Variants in TBCK observed in about 807,000 individuals in gnomAD.
TBCK encodes TBC1 domain containing kinase.
TBCK carries 99 observed loss-of-function variants against 113.4 expected under a neutral mutation model. That is an observed-to-expected ratio of 0.87 (90% confidence interval 0.74 to 1.03). The LOEUF (loss-of-function observed/expected upper bound fraction) is 1.03, where lower values mean the gene tolerates loss of function less well. Ranked by LOEUF, TBCK falls within the 50% of genes least tolerant of loss-of-function variation. The pLI, the probability that TBCK is intolerant of heterozygous loss-of-function variation, is 0.00. For missense variants in TBCK, 1,045 were observed against 1,061.3 expected, an observed-to-expected ratio of 0.98 and a Z score of 0.21; for synonymous variants, 369 against 370.8, an observed-to-expected ratio of 1.00 and a Z score of 0.05.
chr4:106,117,421 T>C (rs1387760410), intron 23 of TBCK, among the ~76,000 whole-genome samples: 8 of 152,176 alleles, frequency 5.3e-5, no homozygotes, highest in African/African-American at 1.9e-4. Flanking sequence ...CAGAGATGAA[T>C]AAAGAGCACC....
intron 23 of TBCK, among the ~76,000 whole-genome samples, chr4:106,165,834 A>G (rs1231510104): frequency 6.6e-6 from 1 of 151,726 alleles, no homozygotes; most frequent in Admixed American, 6.6e-5. Context: ...ATGAAGAAAA[A>G]GGAACAGGCT....
rs561220301 is a variant in TBCK, at chr4:106,288,897, T to G, written c.266+6197A>C. Reference sequence around the variant, plus strand: ...AATTATTTAAAGTATTACATAAAATTACACCCAGGCTATGTGTATAAGCTA... The same window carrying G: ...AATTATTTAAAGTATTACATAAAATGACACCCAGGCTATGTGTATAAGCTA... On this transcript the variant is annotated intron_variant, in intron 3 of 25. Coordinates refer to ENST00000394708, the MANE Select transcript of TBCK (RefSeq NM_001163435.3). Among the ~76,000 whole-genome samples, 126 of 152,340 alleles carry G rather than the reference T, an allele frequency of 8.3e-4. 3 individuals are homozygous for G. The highest frequency in any genetic ancestry group is 8.1e-3 in the South Asian group (39 of 4,828).
intron 3 of TBCK, among the ~76,000 whole-genome samples, chr4:106,282,977 C>G (rs1764762171): frequency 6.6e-6 from 1 of 152,060 alleles, no homozygotes; most frequent in Admixed American, 6.6e-5. Flanking sequence ...AATTCTTCCC[C>G]AGAGCCACAA....
intron 22 of TBCK, among the ~76,000 whole-genome samples, chr4:106,179,381 T>C (rs1752063260): frequency 6.6e-6 from 1 of 152,050 alleles, no homozygotes; most frequent in Non-Finnish European, 1.5e-5. Context: ...TTTACTGCAA[T>C]AAACTACCCT....
At chr4:106,124,158 AAAAC>A (rs1245711807) in intron 23 of TBCK, among the ~76,000 whole-genome samples, 1 of 152,150 alleles carries the variant, frequency 6.6e-6, no homozygotes, top group Non-Finnish European at 1.5e-5. Flanking sequence ...TTTACAAGAA[AAAAC>A]AAACAACCCC....
chr4:106,257,000 C>T (rs987185734), intron 5 of TBCK, among the ~76,000 whole-genome samples: 2 of 151,874 alleles, frequency 1.3e-5, no homozygotes, highest in Non-Finnish European at 2.9e-5. Context: ...CTACAACTAC[C>T]AATGAGACTT....
At chr4:106,290,504 C>T (rs1765593144) in intron 3 of TBCK, among the ~76,000 whole-genome samples, 1 of 152,042 alleles carries the variant, frequency 6.6e-6, no homozygotes, top group Admixed American at 6.5e-5. Flanking sequence ...AAATAAAAAT[C>T]AAAGATTAGT....
At chr4:106,268,237 T>C (rs576737048) in intron 3 of TBCK, among the ~76,000 whole-genome samples, 93 of 152,184 alleles carry the variant, frequency 6.1e-4, no homozygotes, top group African/African-American at 1.8e-3. Context: ...TCTCATTCAA[T>C]GGCTCTCCCT....
rs759655525 is a variant in TBCK, at chr4:106,212,773, T to C, written c.1837A>G (p.Asn613Asp). 7.9e-5 allele frequency: 128 copies of C among 1,611,494 alleles called. No homozygotes were observed. The highest frequency in any genetic ancestry group is 1.1e-4 in the Non-Finnish European group (125 of 1,178,486). Residue 613 changes from asparagine (N) to aspartate (D), a missense_variant, in exon 20 of 26, where the codon AAT becomes GAT. Physicochemically the swap from Asn to Asp is conservative, Grantham distance 23. Coordinates refer to ENST00000394708, the MANE Select transcript of TBCK (RefSeq NM_001163435.3). ...ACATCTGGAATGAAACCAATCTCAT[T>C]GAGATGATTACTCAGCTCTGGATCA... ...FHDPELSNHL[N>D]EIGFIPDLYA...
chr4:106,298,661 T>C (rs541455508), intron 2 of TBCK, among the ~76,000 whole-genome samples: 1 of 152,076 alleles, frequency 6.6e-6, no homozygotes, highest in Admixed American at 6.5e-5. Flanking sequence ...AGTGAAAAGG[T>C]GAAAGTTCTC....
chr4:106,289,458 T>A (rs1223966004), intron 3 of TBCK, among the ~76,000 whole-genome samples: 1 of 152,190 alleles, frequency 6.6e-6, no homozygotes, highest in African/African-American at 2.4e-5. Context: ...TATAAAAATA[T>A]AACAAATTAT....
At chr4:106,294,134 G>C (rs1325001573) in intron 3 of TBCK, among the ~76,000 whole-genome samples, 1 of 152,024 alleles carries the variant, frequency 6.6e-6, no homozygotes, top group African/African-American at 2.4e-5. Flanking sequence ...ACAGTTCACT[G>C]TGTCCCTAGG....
At chr4:106,258,041 C>A (rs1762172558) in intron 5 of TBCK, among the ~76,000 whole-genome samples, 2 of 151,984 alleles carry the variant, frequency 1.3e-5, no homozygotes, top group Non-Finnish European at 2.9e-5. Context: ...TCTGACAGGA[C>A]AGAGATAAAC....
intron 1 of TBCK, among the ~76,000 whole-genome samples, chr4:106,314,399 G>A (rs1329399733): frequency 1.3e-5 from 2 of 152,042 alleles, no homozygotes; most frequent in Admixed American, 6.5e-5. Flanking sequence ...GAATGGTGTG[G>A]GCTATTTCTA....
At chr4:106,129,946 C>G (rs1007083423) in intron 23 of TBCK, among the ~76,000 whole-genome samples, 1 of 152,204 alleles carries the variant, frequency 6.6e-6, no homozygotes, top group Non-Finnish European at 1.5e-5. Flanking sequence ...GGCTGTGTCC[C>G]TTGACCAAAG....
intron 22 of TBCK, among the ~76,000 whole-genome samples, chr4:106,185,779 T>C (rs901681007): frequency 1.3e-5 from 2 of 152,072 alleles, no homozygotes; most frequent in Non-Finnish European, 2.9e-5. Context: ...GTGTGTTATA[T>C]GGGTAGGTTG....
chr4:106,293,801 C>T (rs1293283325), intron 3 of TBCK, among the ~76,000 whole-genome samples: 3 of 152,092 alleles, frequency 2.0e-5, no homozygotes, highest in African/African-American at 7.2e-5. Flanking sequence ...AATTATTAAC[C>T]AGTCAGAGTA....
chr4:106,204,751 A>ATTTTTTTTTTTTTTT lies in TBCK; in HGVS notation c.1860+7984_1860+7998dup, dbSNP rs34775295. Among the ~76,000 whole-genome samples the ATTTTTTTTTTTTTTT allele has an allele frequency of 1.6e-4, 14 of 87,280 alleles. 1 individual carries two copies. Among genetic ancestry groups the ATTTTTTTTTTTTTTT allele is most frequent in the East Asian group, 3.2e-4 (1 of 3,088 alleles). 57.3% of individuals were successfully genotyped at this position (87,280 alleles called of 152,430 possible). A position where few individuals can be genotyped will look rare whatever the true frequency, so the allele number is the denominator to read the frequency against. On this transcript the variant is annotated intron_variant, in intron 20 of 25. Transcript: ENST00000394708. ...TTGAAAGAATGACAGACAAACAATG[A>ATTTTTTTTTTTTTTT]TTTTTTTTTTTTTTTTTTTTTTTTT... is the stretch of plus-strand genomic sequence containing the variant.
At chr4:106,178,078 T>C (rs1751900241) in intron 22 of TBCK, among the ~76,000 whole-genome samples, 1 of 151,976 alleles carries the variant, frequency 6.6e-6, no homozygotes, top group Non-Finnish European at 1.5e-5. Context: ...TTATTTTATT[T>C]GTAGCTATTT....
Sources: allele counts gnomAD v4.1 joint callset (sites outside exome capture counted in the v4.1 genomes callset), GRCh38; gene constraint gnomAD v4.1.1; transcripts MANE v1.5; gene names NCBI Gene and HGNC (gene_info 2026-07-23, HGNC 2026-07-21).